Variants in CCDC7 observed in about 807,000 individuals in gnomAD.
CCDC7 encodes coiled-coil domain-containing protein 7.
A neutral mutation model predicts 196.9 loss-of-function variants in CCDC7; 183 were observed. The ratio of observed to expected loss-of-function variants is 0.93; its 90% CI spans 0.82 to 1.05. CCDC7 has a LOEUF of 1.05. Among genes scored for constraint, CCDC7 ranks in the 50% least tolerant of loss-of-function variants. The pLI is 0.00. For synonymous variants in CCDC7, 525 were observed against 484.6 expected, an observed-to-expected ratio of 1.08 and a Z score of -1.10; for missense variants, 1,540 against 1,482.2, an observed-to-expected ratio of 1.04 and a Z score of -0.64.
chr10:32,661,958 C>T (rs925757754), intron 20 of CCDC7, among the ~76,000 whole-genome samples: 1 of 152,076 alleles, frequency 6.6e-6, no homozygotes, highest in African/African-American at 2.4e-5. Context: ...AGTTGCAGTC[C>T]TTGTGGCCTA....
In CCDC7 at chr10:32,543,394, TA is replaced by T; in HGVS notation, c.1079+12del. On this transcript the variant is annotated intron_variant, in intron 12 of 41. Coordinates refer to ENST00000639629, the Ensembl canonical transcript of CCDC7. Reference sequence around the variant, plus strand: ...TCTGAGGATTCAGAAAAGTAAGACATAAAGATACATGTTAATCTTTTTTTCC... The same window carrying T: ...TCTGAGGATTCAGAAAAGTAAGACATAAGATACATGTTAATCTTTTTTTCC... 1 of 1,352,970 alleles carries T rather than the reference TA, an allele frequency of 7.4e-7. No individual in the cohort carries two copies. The highest frequency in any genetic ancestry group is 1.9e-4 in the Middle Eastern group (1 of 5,366). The allele number at this position is 1,352,970 out of a possible 1,614,324, so 83.8% of individuals were successfully genotyped here.
intron 28 of CCDC7, among the ~76,000 whole-genome samples, chr10:32,778,256 G>A (rs1342281933): frequency 6.6e-6 from 1 of 152,088 alleles, no homozygotes; most frequent in Non-Finnish European, 1.5e-5. Context: ...TACATTCTTT[G>A]CCAAGGCTGA....
intron 20 of CCDC7, 78 bp downstream of exon 21, chr10:32,635,236 C>T (rs1289553939): frequency 1.3e-5 from 5 of 391,312 alleles, no homozygotes; most frequent in Non-Finnish European, 2.3e-5. Flanking sequence ...ATGAATATAT[C>T]TACAACTTTT....
At chr10:32,550,747 C>A (rs2053345488) in intron 13 of CCDC7, among the ~76,000 whole-genome samples, 1 of 152,098 alleles carries the variant, frequency 6.6e-6, no homozygotes, top group Admixed American at 6.5e-5. Flanking sequence ...TGGTATGAAA[C>A]CCAGTTGATC....
At chr10:32,464,424 C>G (rs1187157227) in intron 5 of CCDC7, among the ~76,000 whole-genome samples, 1 of 152,126 alleles carries the variant, frequency 6.6e-6, no homozygotes, top group Non-Finnish European at 1.5e-5. Flanking sequence ...ATATATTGTT[C>G]TTTCTTATAC....
intron 41 of CCDC7, among the ~76,000 whole-genome samples, chr10:32,874,753 T>TACACACACACACACACACAC (rs3035173): frequency 3.5e-4 from 51 of 145,342 alleles, no homozygotes; most frequent in East Asian, 1.2e-3. Context: ...CCAACATATC[T>TACACACACACACACACACAC]ACACACACAC....
intron 18 of CCDC7, among the ~76,000 whole-genome samples, chr10:32,612,286 C>T (rs1030251129): frequency 6.6e-6 from 1 of 152,154 alleles, no homozygotes; most frequent in Non-Finnish European, 1.5e-5. Context: ...TGAGACTTTG[C>T]TGAAGTTGCT....
chr10:32,674,104 T>G (rs1038347588), intron 21 of CCDC7, among the ~76,000 whole-genome samples: 13 of 150,790 alleles, frequency 8.6e-5, no homozygotes, highest in Non-Finnish European at 1.6e-4. Flanking sequence ...CTATTTTATT[T>G]ATTTCTGTTC....
At chr10:32,592,677 C>T (rs2059892945) in intron 18 of CCDC7, among the ~76,000 whole-genome samples, 1 of 152,042 alleles carries the variant, frequency 6.6e-6, no homozygotes, top group South Asian at 2.1e-4. Context: ...TTAGGTATAT[C>T]TCCTAATGCT....
At chr10:32,854,860 A>G (rs2093690635) in intron 41 of CCDC7, among the ~76,000 whole-genome samples, 1 of 152,202 alleles carries the variant, frequency 6.6e-6, no homozygotes, top group East Asian at 1.9e-4. Flanking sequence ...TGCCACTACA[A>G]GCAATGGTGC....
chr10:32,667,797 T>C lies in CCDC7; in HGVS notation c.2122+3636T>C, dbSNP rs189245865. ...CCTTGTAGTATAGTTTGAAGTCAGG[T>C]AGCGTGATGCCTCCAGCTTTGTTCT... On this transcript the variant is annotated intron_variant, in intron 21 of 41. Transcript: ENST00000639629. Among the ~76,000 whole-genome samples the C allele has an allele frequency of 1.4e-4, 21 of 152,290 alleles. No homozygotes were observed. In the East Asian group the frequency reaches 2.7e-3, roughly 20 times the overall value.
exon 8 of CCDC7, chr10:32,474,011 G>A (rs1442971850): frequency 1.2e-6 from 2 of 1,611,286 alleles, no homozygotes; most frequent in South Asian, 2.2e-5. Context: ...AGATGTTTCT[G>A]CAACAGAACC....
At chr10:32,624,245 A>T (rs2063724668) in intron 18 of CCDC7, among the ~76,000 whole-genome samples, 1 of 152,138 alleles carries the variant, frequency 6.6e-6, no homozygotes, top group Non-Finnish European at 1.5e-5. Context: ...CTATTACAAT[A>T]GTTGCTTGAT....
chr10:32,514,194 G>A (rs2046675893), intron 9 of CCDC7: 1 of 152,174 alleles, frequency 6.6e-6, no homozygotes, highest in Non-Finnish European at 1.5e-5. Context: ...GCTGTTATGG[G>A]TTGAATTGTA....
At chr10:32,705,468 A>G (rs1336647187) in intron 24 of CCDC7, among the ~76,000 whole-genome samples, 3 of 152,118 alleles carry the variant, frequency 2.0e-5, no homozygotes, top group African/African-American at 7.2e-5. Flanking sequence ...ACACATAACA[A>G]TATTAAACTT....
intron 11 of CCDC7, among the ~76,000 whole-genome samples, chr10:32,525,731 A>G (rs1431311192): frequency 6.6e-6 from 1 of 152,234 alleles, no homozygotes; most frequent in African/African-American, 2.4e-5. Flanking sequence ...TTGGGCCCCA[A>G]GCCCAATAAT....
intron 3 of CCDC7, among the ~76,000 whole-genome samples, chr10:32,458,024 T>C (rs2133528029): frequency 6.6e-6 from 1 of 152,320 alleles, no homozygotes; most frequent in Non-Finnish European, 1.5e-5. Flanking sequence ...AGAAGCTTTT[T>C]AGTTTGATAT....
chr10:32,504,878 C>A (rs141080929), intron 9 of CCDC7, among the ~76,000 whole-genome samples: 219 of 152,232 alleles, frequency 1.4e-3, no homozygotes, highest in Middle Eastern at 0.014. Flanking sequence ...GTATGTTCTG[C>A]TGCTGTTGGG....
chr10:32,500,829 G>A (rs958335675), intron 9 of CCDC7, among the ~76,000 whole-genome samples: 27 of 152,214 alleles, frequency 1.8e-4, no homozygotes, highest in Middle Eastern at 3.2e-3. Flanking sequence ...CAGATCACTC[G>A]CGGTCAGGAG....
Sources: allele counts gnomAD v4.1 joint callset (sites outside exome capture counted in the v4.1 genomes callset), GRCh38; gene constraint gnomAD v4.1.1; transcripts MANE v1.5; gene names NCBI Gene and HGNC (gene_info 2026-07-23, HGNC 2026-07-21).